The following SOX5 variants were observed in gnomAD, a reference collection of about 807,000 sequenced individuals.
SOX5 encodes the protein transcription factor SOX-5.
In SOX5, 9 loss-of-function variants were observed where a neutral mutation model predicts 92.0. The observed-to-expected ratio is 0.10, with a 90% CI of 0.06 to 0.17. The LOEUF (loss-of-function observed/expected upper bound fraction) is 0.17. Ranked by LOEUF, SOX5 falls within the 10% of genes least tolerant of loss-of-function variation. SOX5 has a pLI of 1.00. For synonymous variants in SOX5, 344 were observed against 336.3 expected (o/e 1.02, Z -0.25); for missense variants, 642 against 944.5 (o/e 0.68, Z 4.20).
intron 10 of SOX5, among the ~76,000 whole-genome samples, chr12:23,563,742 C>A (rs1340105348): frequency 6.6e-6 from 1 of 151,978 alleles, no homozygotes; most frequent in African/African-American, 2.4e-5. Context: ...AAATATAAAA[C>A]CCATTTTTAA....
chr12:24,286,893 C>T (rs1945932917), intron 2 of SOX5, among the ~76,000 whole-genome samples: 2 of 152,096 alleles, frequency 1.3e-5, no homozygotes, highest in African/African-American at 4.8e-5. Flanking sequence ...CCATTTATGC[C>T]TCATGTTTTC....
intron 4 of SOX5, among the ~76,000 whole-genome samples, chr12:24,121,488 C>A (rs1009558973): frequency 1.5e-4 from 22 of 148,096 alleles, no homozygotes; most frequent in Non-Finnish European, 2.1e-4. Flanking sequence ...ATGGGTGGAA[C>A]AATGGTGAAA....
chr12:23,930,169 C>CT (rs1489225679), intron 1 of SOX5, among the ~76,000 whole-genome samples: 9 of 151,780 alleles, frequency 5.9e-5, no homozygotes, highest in Admixed American at 5.9e-4. Flanking sequence ...GAGAAAATGG[C>CT]TAAGTTGTTC....
At chr12:23,857,087 C>A (rs1259721719) in intron 2 of SOX5, among the ~76,000 whole-genome samples, 1 of 151,982 alleles carries the variant, frequency 6.6e-6, no homozygotes, top group African/African-American at 2.4e-5. Context: ...CCCAGAGGCA[C>A]CACCCAGGAA....
intron 4 of SOX5, among the ~76,000 whole-genome samples, chr12:24,069,472 T>C (rs566353178): frequency 4.9e-4 from 74 of 152,330 alleles, no homozygotes; most frequent in African/African-American, 1.7e-3. Flanking sequence ...TATATCATTA[T>C]AAAAATTATT....
At chr12:23,657,652 T>C (rs1016177304) in intron 7 of SOX5, among the ~76,000 whole-genome samples, 7 of 152,158 alleles carry the variant, frequency 4.6e-5, no homozygotes, top group African/African-American at 1.7e-4. Context: ...ACTTAGTCTG[T>C]TACTGAGATG....
intron 2 of SOX5, among the ~76,000 whole-genome samples, chr12:23,886,234 T>C (rs1267070800): frequency 6.6e-6 from 1 of 152,166 alleles, no homozygotes; most frequent in Non-Finnish European, 1.5e-5. Flanking sequence ...GCCATATGAA[T>C]ATGATTGTCA....
At chr12:23,845,129 T>C (rs1016951623) in intron 3 of SOX5, among the ~76,000 whole-genome samples, 2 of 152,214 alleles carry the variant, frequency 1.3e-5, no homozygotes, top group African/African-American at 4.8e-5. Flanking sequence ...GAGCCCAACT[T>C]ATTGTTACAC....
chr12:23,853,567 A>T (rs2096657016), intron 2 of SOX5, among the ~76,000 whole-genome samples: 1 of 146,330 alleles, frequency 6.8e-6, no homozygotes. Context: ...TTTTTACCCC[A>T]AATGCTCCTT....
At chr12:24,344,603 T>G (rs1953002052) in intron 2 of SOX5, among the ~76,000 whole-genome samples, 1 of 152,112 alleles carries the variant, frequency 6.6e-6, no homozygotes, top group South Asian at 2.1e-4. Context: ...AACATTCAAA[T>G]GACTATCGTT....
chr12:24,513,791 A>G (rs1949534317), intron 1 of SOX5, among the ~76,000 whole-genome samples: 1 of 152,228 alleles, frequency 6.6e-6, no homozygotes, highest in Admixed American at 6.5e-5. Flanking sequence ...TTGTCAAATT[A>G]TTAAACTATA....
At chr12:23,876,640 C>T (rs536421153) in intron 2 of SOX5, among the ~76,000 whole-genome samples, 1 of 152,318 alleles carries the variant, frequency 6.6e-6, no homozygotes, top group East Asian at 1.9e-4. Context: ...ATACCCATTA[C>T]TGGGTATATA....
At chr12:24,114,665 T>A (rs1455700218) in intron 4 of SOX5, among the ~76,000 whole-genome samples, 1 of 142,920 alleles carries the variant, frequency 7.0e-6, no homozygotes, top group Non-Finnish European at 1.5e-5. Context: ...GGCATGGGCA[T>A]AGGGGTTCAC....
chr12:24,098,166 G>A (rs78002267), intron 4 of SOX5, among the ~76,000 whole-genome samples: 1 of 152,176 alleles, frequency 6.6e-6, no homozygotes, highest in East Asian at 1.9e-4. Context: ...AAGTCATTGT[G>A]AGTACTTTAT....
intron 6 of SOX5, among the ~76,000 whole-genome samples, chr12:23,725,867 G>C (rs2093081814): frequency 6.6e-6 from 1 of 152,112 alleles, no homozygotes; most frequent in Non-Finnish European, 1.5e-5. Context: ...AAATATGGGA[G>C]TGATCAAAAT....
chr12:23,585,020 A>C (rs999693420), intron 9 of SOX5, among the ~76,000 whole-genome samples: 1 of 152,134 alleles, frequency 6.6e-6, no homozygotes, highest in African/African-American at 2.4e-5. Flanking sequence ...ATTAACTACT[A>C]AATGTTAATG....
chr12:23,716,420 G>T (rs2092499171), intron 6 of SOX5, among the ~76,000 whole-genome samples: 1 of 152,180 alleles, frequency 6.6e-6, no homozygotes, highest in African/African-American at 2.4e-5. Context: ...TACTGGGACA[G>T]TCGATTATGA....
At chr12:24,106,051 A>G (rs541063750) in intron 4 of SOX5, among the ~76,000 whole-genome samples, 246 of 152,184 alleles carry the variant, frequency 1.6e-3, no homozygotes, top group Non-Finnish European at 3.1e-3. Flanking sequence ...CAGAAACTAT[A>G]AAAGAAAAAA....
chr12:23,543,880 C>G (rs1942615989), intron 12 of SOX5, among the ~76,000 whole-genome samples: 2 of 152,224 alleles, frequency 1.3e-5, no homozygotes, highest in Non-Finnish European at 1.5e-5. Context: ...AATAAAAACA[C>G]TGACCAAATT....
Sources: allele counts gnomAD v4.1 joint callset (sites outside exome capture counted in the v4.1 genomes callset), GRCh38; gene constraint gnomAD v4.1.1; transcripts MANE v1.5; gene names NCBI Gene and HGNC (gene_info 2026-07-23, HGNC 2026-07-21).